TFCP2: variants seen among roughly 807,000 people sequenced by gnomAD.
TFCP2 encodes transcription factor CP2, also known as alpha-globin transcription factor CP2.
TFCP2 carries 33 observed loss-of-function variants against 73.4 expected under a neutral mutation model. That is an observed-to-expected ratio of 0.45 (90% CI 0.34 to 0.60). The LOEUF is 0.60. Among genes scored for constraint, TFCP2 ranks in the 20% least tolerant of loss-of-function variants. The pLI, the probability that TFCP2 is intolerant of heterozygous loss-of-function variation, is 0.01. For missense variants in TFCP2, 352 were observed against 604.0 expected, an observed-to-expected ratio of 0.58 and a Z score of 4.37; for synonymous variants, 193 against 211.6, an observed-to-expected ratio of 0.91 and a Z score of 0.76.
intron 1 of TFCP2, among the ~76,000 whole-genome samples, chr12:51,136,263 C>T (rs937106878): frequency 2.0e-5 from 3 of 147,964 alleles, no homozygotes; most frequent in South Asian, 2.1e-4. Context: ...GAGCTGAGAT[C>T]GCGCCATTGC....
In TFCP2 at chr12:51,095,234, C is replaced by T. The variant is rs766595712; in HGVS notation, c.*7G>A. 4.8e-5 allele frequency: 78 copies of T among 1,613,806 alleles called. No individual in the cohort carries two copies. Among genetic ancestry groups the T allele is most frequent in the Middle Eastern group, 1.6e-4 (1 of 6,084 alleles). Reference sequence around the variant, plus strand: ...GGAGCAGCCACTGGGCACGAAACGCCGCACTCCTACTTCAGTATGATATGA... The same window carrying T: ...GGAGCAGCCACTGGGCACGAAACGCTGCACTCCTACTTCAGTATGATATGA... On this transcript the variant is annotated 3_prime_UTR_variant, in exon 15 of 15. Transcript: ENST00000257915.
chr12:51,130,415 C>T (rs1457576104), intron 1 of TFCP2, among the ~76,000 whole-genome samples: 2 of 151,260 alleles, frequency 1.3e-5, no homozygotes, highest in Admixed American at 6.6e-5. Flanking sequence ...GAGGCTGTAG[C>T]GAGCCAAGAT....
chr12:51,146,039 C>T (rs1941292082), intron 1 of TFCP2, among the ~76,000 whole-genome samples: 1 of 152,084 alleles, frequency 6.6e-6, no homozygotes. Flanking sequence ...AATATACTGA[C>T]TACATACAAA....
At chr12:51,138,244 T>G (rs1941107281) in intron 1 of TFCP2, among the ~76,000 whole-genome samples, 1 of 151,886 alleles carries the variant, frequency 6.6e-6, no homozygotes, top group Non-Finnish European at 1.5e-5. Flanking sequence ...CACGTTCAAG[T>G]GATTCTCCCG....
chr12:51,118,398 C>CA (rs1009491825), intron 2 of TFCP2, among the ~76,000 whole-genome samples: 6 of 151,920 alleles, frequency 3.9e-5, no homozygotes, highest in African/African-American at 1.2e-4. Context: ...ACTAAAAATA[C>CA]AAAAAAATTA....
intron 1 of TFCP2, among the ~76,000 whole-genome samples, chr12:51,119,568 T>C (rs1940609144): frequency 6.6e-6 from 1 of 151,700 alleles, no homozygotes; most frequent in African/African-American, 2.4e-5. Context: ...CTGACCAACA[T>C]GGCGAAACCC....
In TFCP2 at chr12:51,094,047, T is replaced by C. The variant is rs1255835124; in HGVS notation, c.*1194A>G. The C allele has an allele frequency of 6.6e-6, 1 of 151,502 alleles. No individual in the cohort carries two copies. Among genetic ancestry groups the C allele is most frequent in the African/African-American group, 2.4e-5 (1 of 41,216 alleles). 9.4% of individuals were successfully genotyped at this position (151,502 alleles called of 1,614,324 possible). On this transcript the variant is annotated 3_prime_UTR_variant, in exon 15 of 15. Transcript: ENST00000257915. ...AGGAAGAACAAAAACATGGTAAGAG[T>C]GTGAACAGGAAGGGAATGCATCTTT...
At chr12:51,136,025 G>T (rs991929900) in intron 1 of TFCP2, among the ~76,000 whole-genome samples, 1 of 152,110 alleles carries the variant, frequency 6.6e-6, no homozygotes, top group African/African-American at 2.4e-5. Flanking sequence ...AAGGTTCCCT[G>T]GCCGGGCGCG....
chr12:51,153,323 T>C (rs960435999), intron 1 of TFCP2, among the ~76,000 whole-genome samples: 9 of 152,042 alleles, frequency 5.9e-5, no homozygotes, highest in African/African-American at 2.2e-4. Flanking sequence ...TTGCAGTGAA[T>C]TGTGATTGTG....
chr12:51,139,326 T>G (rs1466534913), intron 1 of TFCP2, among the ~76,000 whole-genome samples: 1 of 152,102 alleles, frequency 6.6e-6, no homozygotes, highest in African/African-American at 2.4e-5. Context: ...CAGTTTACCT[T>G]TTCAGTCTCA....
In TFCP2 at chr12:51,150,746, T is replaced by C. The variant is rs1480603608; in HGVS notation, c.122+21555A>G. Among the ~76,000 whole-genome samples the C allele has an allele frequency of 3.3e-5, 5 of 152,200 alleles. No homozygotes were observed. The East Asian group carries it at 9.6e-4, about 29-fold the overall frequency. On this transcript the variant is annotated intron_variant, in intron 1 of 14. Coordinates refer to ENST00000257915, the MANE Select transcript of TFCP2 (RefSeq NM_005653.5). ...CTCAATAAAGAGACTTAGGTCTCAA[T>C]GAAGAGAGATAGTTGCCTCAGGAAC...
At chr12:51,146,354 T>C (rs373633287) in intron 1 of TFCP2, among the ~76,000 whole-genome samples, 1 of 151,832 alleles carries the variant, frequency 6.6e-6, no homozygotes, top group Non-Finnish European at 1.5e-5. Flanking sequence ...TAAATTAATA[T>C]GAAAAAGGCC....
intron 6 of TFCP2, among the ~76,000 whole-genome samples, chr12:51,107,617 T>C (rs994979877): frequency 3.9e-5 from 6 of 152,142 alleles, no homozygotes; most frequent in African/African-American, 1.2e-4. Flanking sequence ...TTTCTTTCTT[T>C]TTTTTTTGAG....
At chr12:51,107,437 C>T (rs2136969301) in intron 6 of TFCP2, 91 bp from the exon 7 acceptor site, 2 of 1,032,490 alleles carry the variant, frequency 1.9e-6, no homozygotes, top group Non-Finnish European at 3.0e-6. Context: ...ATGTATGAAA[C>T]AAAATTGTAT....
chr12:51,150,521 C>T (rs7399214), intron 1 of TFCP2, among the ~76,000 whole-genome samples: 140,501 of 152,226 alleles, frequency 0.92, 65,140 homozygotes, highest in Non-Finnish European at 0.97. Context: ...CAAAACAGGG[C>T]GAATCTCATC....
chr12:51,107,935 A>G (rs1042325080), intron 6 of TFCP2, among the ~76,000 whole-genome samples: 1 of 151,272 alleles, frequency 6.6e-6, no homozygotes, highest in African/African-American at 2.4e-5. Flanking sequence ...AATCCCATTT[A>G]TGTGTCAAAG....
intron 1 of TFCP2, among the ~76,000 whole-genome samples, chr12:51,119,736 G>A (rs1940613258): frequency 6.9e-6 from 1 of 145,612 alleles, no homozygotes; most frequent in African/African-American, 2.5e-5. Flanking sequence ...GGCAACAAAG[G>A]CGAAACTCCA....
Position 51,135,400 on chromosome 12 carries a change from C to G in TFCP2, c.123-16628G>C, listed in dbSNP as rs1021039308. Reference sequence around the variant, plus strand: ...CGAGATCGTGCCACTGCACTCCAGCCTGGGTGACAGAGTGAGACTGTCACA... The same window carrying G: ...CGAGATCGTGCCACTGCACTCCAGCGTGGGTGACAGAGTGAGACTGTCACA... On this transcript the variant is annotated intron_variant, in intron 1 of 14. Coordinates refer to ENST00000257915, the MANE Select transcript of TFCP2 (RefSeq NM_005653.5). Among the ~76,000 whole-genome samples, 6 of 151,498 alleles carry G rather than the reference C, an allele frequency of 4.0e-5. No individual in the cohort carries two copies. The Admixed American group carries it at 4.0e-4, about 10-fold the overall frequency.
chr12:51,111,107 CT>C (rs1289283005), intron 4 of TFCP2, 124 bp from the exon 5 acceptor site: 1 of 588,250 alleles, frequency 1.7e-6, no homozygotes, highest in African/African-American at 2.9e-5. Flanking sequence ...TCCTAAATTT[CT>C]TTGTTTTTTT....
Sources: gnomAD v4.1 joint callset for allele counts (sites outside exome capture counted in the v4.1 genomes callset) on GRCh38, gnomAD v4.1.1 for gene constraint, MANE v1.5 for transcripts, NCBI Gene and HGNC (gene_info 2026-07-23, HGNC 2026-07-21) for gene names.